Variants in SHISA6 observed in about 807,000 individuals in gnomAD.
SHISA6 encodes the protein protein shisa-6.
Under a neutral mutation model 47.9 loss-of-function variants are expected in SHISA6, and 22 were observed. The ratio of observed to expected loss-of-function variants is 0.46; its 90% CI spans 0.33 to 0.66. The LOEUF is 0.66. Ranked by LOEUF, SHISA6 falls within the 30% of genes least tolerant of loss-of-function variation. The pLI is 0.02. For missense variants in SHISA6, 680 were observed against 764.6 expected (o/e 0.89, Z 1.30); for synonymous variants, 388 against 337.8 (o/e 1.15, Z -1.63).
chr17:11,401,994 G>A (rs897125570), intron 3 of SHISA6, among the ~76,000 whole-genome samples: 1 of 152,186 alleles, frequency 6.6e-6, no homozygotes, highest in Non-Finnish European at 1.5e-5. Flanking sequence ...CTTTCATAAA[G>A]GGACAGAAGG....
intron 3 of SHISA6, among the ~76,000 whole-genome samples, chr17:11,520,728 G>A (rs2071622765): frequency 6.6e-6 from 1 of 151,938 alleles, no homozygotes; most frequent in Non-Finnish European, 1.5e-5. Flanking sequence ...TGCATGGCTG[G>A]CCCCTTCTCA....
intron 3 of SHISA6, among the ~76,000 whole-genome samples, chr17:11,442,608 G>T (rs1410184165): frequency 6.6e-6 from 1 of 152,210 alleles, no homozygotes; most frequent in Non-Finnish European, 1.5e-5. Flanking sequence ...AAAATAGCAT[G>T]TGAAATGTTT....
intron 1 of SHISA6, among the ~76,000 whole-genome samples, chr17:11,246,223 G>A (rs1907584213): frequency 6.6e-6 from 1 of 152,204 alleles, no homozygotes; most frequent in African/African-American, 2.4e-5. Context: ...GGGTGCGGTG[G>A]CTCACGCCTG....
chr17:11,551,793 A>T, intron 3 of SHISA6, 103 bp from the exon 4 acceptor site: 1 of 1,015,530 alleles, frequency 9.8e-7, no homozygotes, highest in Non-Finnish European at 1.5e-6. Flanking sequence ...TGCTTCCTTT[A>T]AGTCAGAGAA....
At chr17:11,554,881 C>T (rs750379708) in intron 4 of SHISA6, among the ~76,000 whole-genome samples, 8 of 152,094 alleles carry the variant, frequency 5.3e-5, no homozygotes, top group African/African-American at 7.2e-5. Flanking sequence ...CTGAGCCCAG[C>T]GCACACTGCA....
intron 3 of SHISA6, among the ~76,000 whole-genome samples, chr17:11,404,021 A>G (rs1333987769): frequency 6.6e-6 from 1 of 152,202 alleles, no homozygotes; most frequent in Admixed American, 6.5e-5. Context: ...TTATTCCTGC[A>G]CATGAGGGCT....
At chr17:11,524,600 G>A (rs988590155) in intron 3 of SHISA6, among the ~76,000 whole-genome samples, 3 of 151,476 alleles carry the variant, frequency 2.0e-5, no homozygotes, top group Non-Finnish European at 4.4e-5. Flanking sequence ...GGGTTCAAGC[G>A]ATTTTCCTGC....
chr17:11,501,985 T>G (rs1286862038), intron 3 of SHISA6, among the ~76,000 whole-genome samples: 1 of 152,222 alleles, frequency 6.6e-6, no homozygotes, highest in East Asian at 1.9e-4. Flanking sequence ...TTTTTCCCTT[T>G]TTCAACTTTG....
chr17:11,413,263 G>A (rs1914187311), intron 3 of SHISA6, among the ~76,000 whole-genome samples: 1 of 152,172 alleles, frequency 6.6e-6, no homozygotes, highest in Non-Finnish European at 1.5e-5. Context: ...TTTCGTGTCA[G>A]GGTAGTGTTG....
intron 2 of SHISA6, among the ~76,000 whole-genome samples, chr17:11,285,751 T>C (rs1249367095): frequency 6.6e-6 from 1 of 152,068 alleles, no homozygotes; most frequent in African/African-American, 2.4e-5. Flanking sequence ...CTTGTGCACT[T>C]TGTAGAAGCT....
At chr17:11,371,009 C>T (rs1912616047) in intron 2 of SHISA6, among the ~76,000 whole-genome samples, 1 of 152,198 alleles carries the variant, frequency 6.6e-6, no homozygotes, top group East Asian at 1.9e-4. Flanking sequence ...GCCAACAGCT[C>T]TTCTAACTCT....
intron 1 of SHISA6, among the ~76,000 whole-genome samples, chr17:11,246,599 A>T (rs1907603224): frequency 6.6e-6 from 1 of 152,234 alleles, no homozygotes; most frequent in South Asian, 2.1e-4. Context: ...GAAGGCAGAA[A>T]GAAGCAAAAA....
intron 1 of SHISA6, among the ~76,000 whole-genome samples, chr17:11,261,463 C>T (rs768351328): frequency 6.6e-6 from 1 of 152,240 alleles, no homozygotes; most frequent in African/African-American, 2.4e-5. Flanking sequence ...ATAGCGCAAG[C>T]TGCTTTCTTC....
At chr17:11,456,068 C>A (rs1915526036) in intron 3 of SHISA6, among the ~76,000 whole-genome samples, 1 of 152,164 alleles carries the variant, frequency 6.6e-6, no homozygotes, top group Admixed American at 6.5e-5. Flanking sequence ...TAAATGTAAA[C>A]CCATCGCTTT....
chr17:11,381,095 C>T (rs748007098), intron 3 of SHISA6, among the ~76,000 whole-genome samples: 7 of 152,096 alleles, frequency 4.6e-5, no homozygotes, highest in East Asian at 1.9e-4. Flanking sequence ...GGGGCCAATT[C>T]GGAGGCCAGC....
At chr17:11,439,285 T>C (rs1275517650) in intron 3 of SHISA6, among the ~76,000 whole-genome samples, 2 of 152,066 alleles carry the variant, frequency 1.3e-5, no homozygotes, top group Non-Finnish European at 2.9e-5. Context: ...TCTGGGTGGG[T>C]CATCAGTAGT....
At chr17:11,449,706 G>T (rs1915331921) in intron 3 of SHISA6, among the ~76,000 whole-genome samples, 1 of 152,182 alleles carries the variant, frequency 6.6e-6, no homozygotes, top group African/African-American at 2.4e-5. Flanking sequence ...ATTTTCTCAT[G>T]GTTCTGGAGG....
intron 3 of SHISA6, among the ~76,000 whole-genome samples, chr17:11,464,681 G>T (rs1175326456): frequency 6.6e-6 from 1 of 152,180 alleles, no homozygotes; most frequent in African/African-American, 2.4e-5. Context: ...GGTGGCTCAC[G>T]CCTGTAATCC....
intron 2 of SHISA6, among the ~76,000 whole-genome samples, chr17:11,270,570 C>T (rs1030930596): frequency 1.3e-5 from 2 of 152,206 alleles, no homozygotes; most frequent in African/African-American, 4.8e-5. Context: ...TTAGGCTCTG[C>T]AGGCCATAAG....
Sources: gnomAD v4.1 joint callset for allele counts (sites outside exome capture counted in the v4.1 genomes callset) on GRCh38, gnomAD v4.1.1 for gene constraint, MANE v1.5 for transcripts, NCBI Gene and HGNC (gene_info 2026-07-23, HGNC 2026-07-21) for gene names.